MBNL2: variants seen among roughly 807,000 people sequenced by gnomAD.
MBNL2 encodes muscleblind-like protein 2.
In MBNL2, 17 loss-of-function variants were observed where a neutral mutation model predicts 41.9. The observed-to-expected ratio is 0.41, with a 90% CI of 0.28 to 0.61. MBNL2 has a LOEUF of 0.61. MBNL2 is among the 20% of genes least tolerant of loss of function. The pLI is 0.35. For synonymous variants in MBNL2, 195 were observed against 182.9 expected (o/e 1.07, Z -0.53); for missense variants, 336 against 505.6 (o/e 0.66, Z 3.22).
Position 97,354,952 on chromosome 13 carries a change from T to C in MBNL2, c.805-1844T>C, listed in dbSNP as rs549296133. On this transcript the variant is annotated intron_variant, in intron 5 of 8. Coordinates refer to ENST00000679496, the MANE Select transcript of MBNL2 (RefSeq NM_001382683.1). Reference sequence around the variant, plus strand: ...CTCTATGAGAATAGGCTTTGTAACCTTCTTTAGCTGATGCAGATTAATTGA... The same window carrying C: ...CTCTATGAGAATAGGCTTTGTAACCCTCTTTAGCTGATGCAGATTAATTGA... 2.0e-5 allele frequency among the ~76,000 whole-genome samples: 3 copies of C among 152,324 alleles called. No homozygotes were observed. The East Asian group carries it at 5.8e-4, about 29-fold the overall frequency.
At chr13:97,298,503 C>A (rs9584539) in intron 2 of MBNL2, among the ~76,000 whole-genome samples, 1 of 152,258 alleles carries the variant, frequency 6.6e-6, no homozygotes, top group African/African-American at 2.4e-5. Flanking sequence ...TGAGACTTAA[C>A]AAGATTCAGT....
Position 97,268,122 on chromosome 13 carries a change from G to A in MBNL2, c.-604-7510G>A, listed in dbSNP as rs572008515. ...CTTCCTTTCTTTCTTTTGAGACAGC[G>A]TCGCTCTTGTCATCCAGGCTAGAGT... On this transcript the variant is annotated intron_variant, in intron 1 of 8. Transcript: ENST00000679496. This position sits in a 1 kb window ranked among gnomAD's most constrained non-coding sequence, Gnocchi z 4.6. Among the ~76,000 whole-genome samples the A allele has an allele frequency of 7.3e-5, 11 of 150,748 alleles. No homozygotes were observed. In the East Asian group the frequency reaches 1.2e-3, roughly 16 times the overall value.
chr13:97,369,746 T>C (rs1179082320), intron 8 of MBNL2, among the ~76,000 whole-genome samples: 1 of 152,220 alleles, frequency 6.6e-6, no homozygotes, highest in Non-Finnish European at 1.5e-5. Context: ...TGAATCAAGG[T>C]GCCACCAATA....
At chr13:97,164,570 A>T in the MBNL2 span, among the ~76,000 whole-genome samples, 1 of 152,202 alleles carries the variant, frequency 6.6e-6, no homozygotes, top group Non-Finnish European at 1.5e-5. Context: ...GCAAAGAGAG[A>T]AGTGAAAATG....
intron 3 of MBNL2, among the ~76,000 whole-genome samples, chr13:97,337,012 G>T (rs2060942842): frequency 6.6e-6 from 1 of 151,936 alleles, no homozygotes; most frequent in East Asian, 1.9e-4. Context: ...GTCACTTTTT[G>T]CCTTTATTGT....
chr13:97,227,076 AAT>A (rs1566352001), intron 1 of MBNL2, among the ~76,000 whole-genome samples: 1 of 150,674 alleles, frequency 6.6e-6, no homozygotes, highest in African/African-American at 2.5e-5. Flanking sequence ...AAAAAAAAAA[AAT>A]ATATTTCCTT....
upstream of MBNL2, among the ~76,000 whole-genome samples, chr13:97,219,238 AAGAAGT>A (rs2040660844): frequency 1.3e-5 from 2 of 152,170 alleles, no homozygotes; most frequent in East Asian, 3.9e-4. Context: ...GAGAGAAAAC[AAGAAGT>A]AGATCTGAAC....
the MBNL2 span, among the ~76,000 whole-genome samples, chr13:97,166,339 G>T: frequency 6.6e-6 from 1 of 152,168 alleles, no homozygotes; most frequent in African/African-American, 2.4e-5. Flanking sequence ...CTTAGTATAG[G>T]TGTGGATGAG....
intron 2 of MBNL2, among the ~76,000 whole-genome samples, chr13:97,318,926 G>A (rs141102475): frequency 6.7e-4 from 102 of 152,290 alleles, no homozygotes; most frequent in Middle Eastern, 3.4e-3. Flanking sequence ...CTCTAGGTAC[G>A]TACTGGAGAA....
rs1257012965 is a variant in MBNL2, at chr13:97,391,782, C to T, written c.*333C>T. On this transcript the variant is annotated 3_prime_UTR_variant, in exon 9 of 9. Transcript: ENST00000679496. ...AAGAAACATATTCCAAGGGCAGGTT[C>T]GATTCTAGCTCTAATTACTGTCATG... 2 of 205,618 alleles carry T rather than the reference C, an allele frequency of 9.7e-6. No individual in the cohort carries two copies. The highest frequency in any genetic ancestry group is 1.6e-4 in the East Asian group (1 of 6,110). 12.7% of individuals were successfully genotyped at this position (205,618 alleles called of 1,614,324 possible).
At chr13:97,196,131 C>T in the MBNL2 span, among the ~76,000 whole-genome samples, 2 of 152,156 alleles carry the variant, frequency 1.3e-5, no homozygotes, top group Non-Finnish European at 2.9e-5. Flanking sequence ...AGCTCTGCCC[C>T]TCTGGTATCC....
At chr13:97,166,841 A>AGAAAGAAAGAAAGAAAGAT in the MBNL2 span, among the ~76,000 whole-genome samples, 3 of 114,260 alleles carry the variant, frequency 2.6e-5, no homozygotes, top group Non-Finnish European at 5.5e-5. Flanking sequence ...GATAGATAGA[A>AGAAAGAAAGAAAGAAAGAT]AGATAGATAG....
intron 2 of MBNL2, among the ~76,000 whole-genome samples, chr13:97,295,070 T>A (rs2056810578): frequency 6.6e-6 from 1 of 152,162 alleles, no homozygotes; most frequent in African/African-American, 2.4e-5. Flanking sequence ...GAACTGGATG[T>A]GTTCACCCTG....
chr13:97,257,590 T>C (rs1310396252), intron 1 of MBNL2, among the ~76,000 whole-genome samples: 1 of 152,232 alleles, frequency 6.6e-6, no homozygotes, highest in African/African-American at 2.4e-5. Context: ...GGACAGTGTT[T>C]AGTACACCAA....
At chr13:97,207,367 G>A in the MBNL2 span, among the ~76,000 whole-genome samples, 1 of 152,196 alleles carries the variant, frequency 6.6e-6, no homozygotes, top group Non-Finnish European at 1.5e-5. Context: ...ATTTAGAAAA[G>A]AAGCAAGTTT....
the MBNL2 span, among the ~76,000 whole-genome samples, chr13:97,155,563 C>T: frequency 2.7e-5 from 4 of 146,518 alleles, no homozygotes; most frequent in African/African-American, 1.0e-4. Flanking sequence ...CACCCCACAA[C>T]AGTCCCCAGA....
chr13:97,353,092 G>A (rs545338901), intron 5 of MBNL2, among the ~76,000 whole-genome samples: 3 of 152,146 alleles, frequency 2.0e-5, no homozygotes, highest in Non-Finnish European at 4.4e-5. Flanking sequence ...TCATCAAGCT[G>A]CATAAAGATT....
intron 2 of MBNL2, among the ~76,000 whole-genome samples, chr13:97,310,721 GC>G (rs1435307756): frequency 6.6e-6 from 1 of 151,426 alleles, no homozygotes; most frequent in African/African-American, 2.4e-5. Flanking sequence ...GAACCACTGA[GC>G]CCGGCCTATA....
At chr13:97,254,427 A>G (rs1320993868) in intron 1 of MBNL2, among the ~76,000 whole-genome samples, 5 of 152,228 alleles carry the variant, frequency 3.3e-5, no homozygotes, top group South Asian at 4.1e-4. Flanking sequence ...GTATTTATCA[A>G]TATTCTGAAA....
Sources: allele counts gnomAD v4.1 joint callset (sites outside exome capture counted in the v4.1 genomes callset), GRCh38; gene constraint gnomAD v4.1.1; non-coding constraint Gnocchi (gnomAD v3.1); transcripts MANE v1.5; gene names NCBI Gene and HGNC (gene_info 2026-07-23, HGNC 2026-07-21).